Variants in SUSD1 observed in about 807,000 individuals in gnomAD.
The protein encoded by SUSD1 is sushi domain-containing protein 1.
SUSD1 carries 65 observed loss-of-function variants against 86.9 expected under a neutral mutation model. That is an observed-to-expected ratio of 0.75 (90% confidence interval 0.61 to 0.92). The LOEUF (loss-of-function observed/expected upper bound fraction) is 0.92. Among genes scored for constraint, SUSD1 ranks in the 40% least tolerant of loss-of-function variants. SUSD1 has a pLI of 0.00. For missense variants in SUSD1, 850 were observed against 929.7 expected, an observed-to-expected ratio of 0.91 and a Z score of 1.11; for synonymous variants, 346 against 350.0, an observed-to-expected ratio of 0.99 and a Z score of 0.13.
At chr9:112,100,857 G>GACACACAC (rs5899985) in intron 9 of SUSD1, among the ~76,000 whole-genome samples, 2,408 of 140,418 alleles carry the variant, frequency 0.017, 48 homozygotes, top group African/African-American at 0.046. Context: ...ATTGTACCTG[G>GACACACAC]ACACACACAC....
At chr9:112,054,783 C>A (rs1828374683) in intron 14 of SUSD1, among the ~76,000 whole-genome samples, 1 of 152,132 alleles carries the variant, frequency 6.6e-6, no homozygotes, top group Admixed American at 6.5e-5. Context: ...TTCTCAATGA[C>A]TTCTTGGATA....
chr9:112,124,312 G>A lies in SUSD1; in HGVS notation c.831C>T (p.Ile277=). 6.2e-7 allele frequency: 1 copy of A among 1,614,104 alleles called. No homozygotes were observed. The highest frequency in any genetic ancestry group is 8.5e-7 in the Non-Finnish European group (1 of 1,179,990). ...TGCCTTTCTCTGTGCAAACAGAAGTGATCTTTCCTCCAGGGCTCTCAAAGC... is the reference window on the plus strand; with the variant it reads ...TGCCTTTCTCTGTGCAAACAGAAGTAATCTTTCCTCCAGGGCTCTCAAAGC... ...QEGFESPGGK[I]TSVCTEKGTW... Residue 277 remains isoleucine, a synonymous_variant, in exon 6 of 17, where the codon ATC becomes ATT. Coordinates refer to ENST00000374270, the MANE Select transcript of SUSD1 (RefSeq NM_022486.5).
intron 10 of SUSD1, among the ~76,000 whole-genome samples, chr9:112,080,566 T>C (rs1452894084): frequency 6.6e-6 from 1 of 152,030 alleles, no homozygotes; most frequent in African/African-American, 2.4e-5. Context: ...TGTGTGCCTG[T>C]AGTCCCAGCT....
chr9:112,138,242 T>TATATGTATATACAC (rs1554770306), intron 5 of SUSD1, among the ~76,000 whole-genome samples: 4 of 34,038 alleles, frequency 1.2e-4, no homozygotes, highest in African/African-American at 3.3e-4. Flanking sequence ...AATGTGTATA[T>TATATGTATATACAC]ATATATATAT....
chr9:112,153,422 C>A (rs1833151371), intron 2 of SUSD1, among the ~76,000 whole-genome samples: 3 of 152,136 alleles, frequency 2.0e-5, no homozygotes, highest in Admixed American at 2.0e-4. Flanking sequence ...ATACATGGAG[C>A]TGTCATCTCC....
chr9:112,171,327 T>C (rs1462207789), intron 1 of SUSD1, among the ~76,000 whole-genome samples: 3 of 152,228 alleles, frequency 2.0e-5, no homozygotes, highest in Non-Finnish European at 2.9e-5. Context: ...GAAGTGATGA[T>C]GGCTGACTCC....
At chr9:112,156,267 G>T (rs546573134) in intron 2 of SUSD1, among the ~76,000 whole-genome samples, 2 of 152,044 alleles carry the variant, frequency 1.3e-5, no homozygotes, top group Admixed American at 6.5e-5. Context: ...TTCGAGACCA[G>T]CCTGCCCAAC....
At chr9:112,143,145 T>G (rs946671906) in intron 4 of SUSD1, among the ~76,000 whole-genome samples, 7 of 151,290 alleles carry the variant, frequency 4.6e-5, no homozygotes, top group Non-Finnish European at 7.4e-5. Flanking sequence ...CCACCACACC[T>G]GGCTATTTTT....
At chr9:112,103,402 G>A (rs953859158) in intron 8 of SUSD1, among the ~76,000 whole-genome samples, 3 of 152,156 alleles carry the variant, frequency 2.0e-5, no homozygotes, top group Admixed American at 6.5e-5. Context: ...AATAAAAATG[G>A]TCACATGTAT....
intron 12 of SUSD1, among the ~76,000 whole-genome samples, chr9:112,063,994 A>G (rs1033530732): frequency 8.8e-5 from 12 of 136,598 alleles, no homozygotes; most frequent in African/African-American, 3.3e-4. Flanking sequence ...TTTGTGAAAC[A>G]GCTAGTTCCC....
At chr9:112,126,587 CAG>C (rs1831784583) in intron 5 of SUSD1, among the ~76,000 whole-genome samples, 1 of 152,154 alleles carries the variant, frequency 6.6e-6, no homozygotes, top group African/African-American at 2.4e-5. Context: ...TCCCCGTTAA[CAG>C]AGCTATTCAA....
chr9:112,101,336 T>G (rs922031277), intron 9 of SUSD1, among the ~76,000 whole-genome samples: 1 of 151,664 alleles, frequency 6.6e-6, no homozygotes, highest in African/African-American at 2.4e-5. Flanking sequence ...CACTCCAACC[T>G]GGGTAACAGA....
Position 112,041,959 on chromosome 9 carries a change from A to G in SUSD1, c.2151T>C (p.Asp717=), listed in dbSNP as rs766546753. The G allele has an allele frequency of 1.2e-6, 2 of 1,613,814 alleles. No individual in the cohort carries two copies. Among genetic ancestry groups the G allele is most frequent in the Admixed American group, 3.3e-5 (2 of 59,994 alleles). The change falls in exon 16 of 17, where the codon GAT becomes GAC. Residue 717 remains aspartate (D), a splice_region_variant and synonymous_variant. Coordinates refer to ENST00000374270, the MANE Select transcript of SUSD1 (RefSeq NM_022486.5). ...HSCAVWAQVK[D]SSLMLLQMAG... ...CCATCTGCAGCAGCATGAGTGACGA[A>G]TCTGTGGGACAAAACCACAGGCTTA...
rs144208795 is a variant in SUSD1, at chr9:112,146,637, TAA to T, written c.373+2605_373+2606del. On this transcript the variant is annotated intron_variant, in intron 3 of 16. Coordinates refer to ENST00000374270, the MANE Select transcript of SUSD1 (RefSeq NM_022486.5). ...CTCCTCCTCATTCTTCTTCCTAACT[TAA>T]AAAAAAAAAAAATTAAGACAAAGTC... is the stretch of plus-strand genomic sequence containing the variant. 5.1e-3 allele frequency among the ~76,000 whole-genome samples: 743 copies of T among 144,302 alleles called. 4 individuals are homozygous for T. The highest frequency in any genetic ancestry group is 0.016 in the African/African-American group (644 of 39,264). The allele number at this position is 144,302 out of a possible 152,430, so 94.7% of individuals were successfully genotyped here. A position where few individuals can be genotyped will look rare whatever the true frequency, so the allele number is the denominator to read the frequency against.
At chr9:112,161,456 T>C (rs1347431623) in intron 1 of SUSD1, among the ~76,000 whole-genome samples, 1 of 151,882 alleles carries the variant, frequency 6.6e-6, no homozygotes, top group East Asian at 1.9e-4. Context: ...CTGGGTCAAG[T>C]TGAAGAACCC....
rs187971813 is a variant in SUSD1 at position 112,086,846 on chromosome 9, A to C, written c.1475-6681T>G. On this transcript the variant is annotated intron_variant, in intron 10 of 16. Coordinates refer to ENST00000374270, the MANE Select transcript of SUSD1 (RefSeq NM_022486.5). Reference sequence around the variant, plus strand: ...CAAAACAAACAAACAAACAAACAAAAAAAACCTTTAAAGAAACTGCATTTC... The same window carrying C: ...CAAAACAAACAAACAAACAAACAAACAAAACCTTTAAAGAAACTGCATTTC... Among the ~76,000 whole-genome samples the C allele has an allele frequency of 1.9e-3, 280 of 150,032 alleles. 1 individual carries two copies. The highest frequency in any genetic ancestry group is 6.1e-3 in the Admixed American group (93 of 15,212).
intron 8 of SUSD1, among the ~76,000 whole-genome samples, chr9:112,110,858 C>G (rs1290517328): frequency 6.6e-6 from 1 of 152,088 alleles, no homozygotes; most frequent in African/African-American, 2.4e-5. Context: ...TCAGCTAACA[C>G]CTACCCTCCT....
At chr9:112,053,538 A>AAAAAAAAAC (rs1828317938) in intron 14 of SUSD1, among the ~76,000 whole-genome samples, 1 of 149,660 alleles carries the variant, frequency 6.7e-6, no homozygotes, top group African/African-American at 2.5e-5. Context: ...AAAAAAAAAA[A>AAAAAAAAAC]TCTGAGAAAA....
At chr9:112,086,701 A>AT (rs1460172370) in intron 10 of SUSD1, among the ~76,000 whole-genome samples, 1 of 152,050 alleles carries the variant, frequency 6.6e-6, no homozygotes, top group African/African-American at 2.4e-5. Context: ...AAGGGAAGGA[A>AT]TGGGTGTCCT....
Sources: allele counts gnomAD v4.1 joint callset (sites outside exome capture counted in the v4.1 genomes callset), GRCh38; gene constraint gnomAD v4.1.1; transcripts MANE v1.5; gene names NCBI Gene and HGNC (gene_info 2026-07-23, HGNC 2026-07-21).